LRBA: variants seen among roughly 807,000 people sequenced by gnomAD.
LRBA encodes the protein lipopolysaccharide-responsive and beige-like anchor protein.
Under a neutral mutation model 330.0 loss-of-function variants are expected in LRBA, and 176 were observed. The observed-to-expected ratio is 0.53, with a 90% CI of 0.47 to 0.60. The LOEUF is 0.60. Ranked by LOEUF, LRBA falls within the 20% of genes least tolerant of loss-of-function variation. LRBA has a pLI of 0.00. For synonymous variants in LRBA, 1,230 were observed against 1,193.0 expected, an observed-to-expected ratio of 1.03 and a Z score of -0.64; for missense variants, 3,259 against 3,444.8, an observed-to-expected ratio of 0.95 and a Z score of 1.35.
intron 53 of LRBA, among the ~76,000 whole-genome samples, chr4:150,297,640 G>A (rs974918660): frequency 1.3e-5 from 2 of 152,138 alleles, no homozygotes; most frequent in Admixed American, 6.5e-5. Flanking sequence ...GTATAAAATG[G>A]TTTCTTGTTT....
intron 37 of LRBA, among the ~76,000 whole-genome samples, chr4:150,625,028 A>G (rs1446749747): frequency 1.3e-5 from 2 of 152,190 alleles, no homozygotes; most frequent in Non-Finnish European, 1.5e-5. Context: ...ATAACTAGAA[A>G]ATAGGTTTTT....
At chr4:150,821,205 T>C (rs894974885) in intron 30 of LRBA, among the ~76,000 whole-genome samples, 3 of 152,132 alleles carry the variant, frequency 2.0e-5, no homozygotes, top group Non-Finnish European at 2.9e-5. Context: ...ATCTGAAAGA[T>C]AGACAACCAA....
intron 9 of LRBA, among the ~76,000 whole-genome samples, chr4:150,909,806 C>G (rs919916031): frequency 1.3e-5 from 2 of 152,170 alleles, no homozygotes; most frequent in Non-Finnish European, 2.9e-5. Context: ...AATTTCTCCA[C>G]ATTCTCACCA....
At chr4:150,335,445 GTATATATGTGTATATATGTGTA>G (rs1734544344) in intron 48 of LRBA, among the ~76,000 whole-genome samples, 1 of 141,524 alleles carries the variant, frequency 7.1e-6, no homozygotes, top group South Asian at 2.2e-4. Flanking sequence ...ATATATACAC[GTATATATGTGTATATATGTGTA>G]TATATATACG....
intron 44 of LRBA, among the ~76,000 whole-genome samples, chr4:150,458,519 C>T (rs1581377973): frequency 6.6e-6 from 1 of 151,726 alleles, no homozygotes; most frequent in Non-Finnish European, 1.5e-5. Context: ...AAGTAATCTG[C>T]TAAAGGTCTC....
chr4:150,575,784 C>A (rs1770463282), intron 40 of LRBA, among the ~76,000 whole-genome samples: 4 of 151,900 alleles, frequency 2.6e-5, no homozygotes, highest in African/African-American at 9.7e-5. Flanking sequence ...ATATTCTACA[C>A]AATTTTTGTT....
chr4:150,323,004 TG>T (rs1732743537), intron 49 of LRBA, among the ~76,000 whole-genome samples: 1 of 134,026 alleles, frequency 7.5e-6, no homozygotes, highest in African/African-American at 2.8e-5. Context: ...TCTGTGTGTG[TG>T]TGTGTGTGTG....
At chr4:150,417,132 AAAAAGG>A (rs1433341198) in intron 46 of LRBA, among the ~76,000 whole-genome samples, 2 of 152,130 alleles carry the variant, frequency 1.3e-5, no homozygotes, top group African/African-American at 4.8e-5. Context: ...GTGATTTTTA[AAAAAGG>A]AAAAGAAACT....
intron 36 of LRBA, among the ~76,000 whole-genome samples, chr4:150,718,349 C>CT (rs1197141653): frequency 6.6e-6 from 1 of 151,990 alleles, no homozygotes; most frequent in Non-Finnish European, 1.5e-5. Context: ...ATGACAACAT[C>CT]TTTTTTTGCA....
chr4:150,860,062 G>C (rs1025490258), intron 22 of LRBA, among the ~76,000 whole-genome samples: 17 of 152,054 alleles, frequency 1.1e-4, no homozygotes, highest in Non-Finnish European at 2.9e-5. Context: ...AAGAGCCTTA[G>C]GGTATAAGTT....
At chr4:150,830,695 A>T (rs1225166698) in intron 29 of LRBA, among the ~76,000 whole-genome samples, 11 of 151,654 alleles carry the variant, frequency 7.3e-5, no homozygotes, top group Admixed American at 7.2e-4. Flanking sequence ...AGCAGTACCC[A>T]GCCAAAAACA....
chr4:150,561,199 A>C (rs948278736), intron 40 of LRBA, among the ~76,000 whole-genome samples: 1 of 152,144 alleles, frequency 6.6e-6, no homozygotes, highest in Admixed American at 6.6e-5. Flanking sequence ...ATATGACAAA[A>C]CTGTGTTATT....
chr4:151,014,697 A>T lies in LRBA; in HGVS notation c.-55T>A. 8.3e-7 allele frequency: 1 copy of T among 1,209,632 alleles called. No individual in the cohort carries two copies. The allele number at this position is 1,209,632 out of a possible 1,614,324, so 74.9% of individuals were successfully genotyped here. A position where few individuals can be genotyped will look rare whatever the true frequency, so the allele number is the denominator to read the frequency against. On this transcript the variant is annotated 5_prime_UTR_variant, in exon 2 of 57. Transcript: ENST00000651943. ...GTCACCCTGGGACGGCAGTCGCTGC[A>T]CTGGTAATGAGCACAACACACGCAA... is the stretch of plus-strand genomic sequence containing the variant.
At chr4:150,325,992 G>T in intron 48 of LRBA, 94 bp from the exon 49 acceptor site, 1 of 749,736 alleles carries the variant, frequency 1.3e-6, no homozygotes, top group Non-Finnish European at 2.4e-6. Context: ...TCCATACTCT[G>T]GCTTGTTTCA....
chr4:150,807,421 C>T (rs1742957746), intron 32 of LRBA, among the ~76,000 whole-genome samples: 1 of 152,178 alleles, frequency 6.6e-6, no homozygotes, highest in African/African-American at 2.4e-5. Context: ...CAAGTACCTA[C>T]ATTTGTAGTG....
At chr4:150,775,962 T>C (rs1031403683) in intron 34 of LRBA, among the ~76,000 whole-genome samples, 1 of 151,866 alleles carries the variant, frequency 6.6e-6, no homozygotes, top group Non-Finnish European at 1.5e-5. Flanking sequence ...AAGAAAAATA[T>C]GTAATTCATA....
intron 33 of LRBA, among the ~76,000 whole-genome samples, chr4:150,800,391 G>A (rs1278909025): frequency 1.3e-5 from 2 of 152,178 alleles, no homozygotes; most frequent in Admixed American, 1.3e-4. Flanking sequence ...CACTGGTACT[G>A]TAAACACAAA....
At chr4:150,283,364 C>T (rs565256063) in intron 54 of LRBA, among the ~76,000 whole-genome samples, 1 of 152,204 alleles carries the variant, frequency 6.6e-6, no homozygotes, top group Non-Finnish European at 1.5e-5. Context: ...TGGGAGCCCA[C>T]ACACAGCCAA....
In LRBA at chr4:150,371,182, A is replaced by ATT. The variant is rs70937395; in HGVS notation, c.7195-21025_7195-21024dup. ...AAAAGCATGAGCTGCAAGCTACTAA[A>ATT]TTTTTTTTTTTTTTTTTTTTTTTTT... On this transcript the variant is annotated intron_variant, in intron 47 of 56. Transcript: ENST00000651943. Among the ~76,000 whole-genome samples the ATT allele has an allele frequency of 1.8e-3, 166 of 91,932 alleles. 7 individuals carry two copies. Among genetic ancestry groups the ATT allele is most frequent in the East Asian group, 4.7e-3 (15 of 3,188 alleles). The allele number at this position is 91,932 out of a possible 152,430, so 60.3% of individuals were successfully genotyped here.
Sources: allele counts gnomAD v4.1 joint callset (sites outside exome capture counted in the v4.1 genomes callset), GRCh38; gene constraint gnomAD v4.1.1; transcripts MANE v1.5; gene names NCBI Gene and HGNC (gene_info 2026-07-23, HGNC 2026-07-21).